The following CATSPERT variants were observed in gnomAD, a reference collection of about 807,000 sequenced individuals.
CATSPERT encodes cation channel sperm-associated targeting subunit tau.
chr2:201,581,586 A>G, the CATSPERT span, among the ~76,000 whole-genome samples: 4 of 86,996 alleles, frequency 4.6e-5, no homozygotes, highest in Non-Finnish European at 6.7e-5. Context: ...ATATATATAT[A>G]TATATATACA....
chr2:201,490,967 C>T, the CATSPERT span, among the ~76,000 whole-genome samples: 1 of 152,122 alleles, frequency 6.6e-6, no homozygotes. Flanking sequence ...TCGTGATCCA[C>T]CTGCCTCAGC....
the CATSPERT span, chr2:201,547,743 G>C: frequency 8.0e-6 from 4 of 498,896 alleles, no homozygotes; most frequent in Admixed American, 1.2e-4. Flanking sequence ...ACAATATATT[G>C]TCTAGGGATA....
At chr2:201,576,272 G>A in the CATSPERT span, among the ~76,000 whole-genome samples, 3 of 152,174 alleles carry the variant, frequency 2.0e-5, no homozygotes, top group Admixed American at 6.5e-5. Context: ...TAAAGACTAT[G>A]TTCAACCAGA....
chr2:201,503,701 C>T, the CATSPERT span, among the ~76,000 whole-genome samples: 1 of 152,158 alleles, frequency 6.6e-6, no homozygotes, highest in Non-Finnish European at 1.5e-5. Flanking sequence ...CCTGGCCGAA[C>T]ACCTGGTAAC....
At chr2:201,573,909 G>A in the CATSPERT span, among the ~76,000 whole-genome samples, 6 of 151,938 alleles carry the variant, frequency 3.9e-5, no homozygotes, top group South Asian at 2.1e-4. Flanking sequence ...CACCCACCTC[G>A]GCCTCCCAAA....
At chr2:201,496,016 A>T in the CATSPERT span, 3 of 1,224,918 alleles carry the variant, frequency 2.4e-6, no homozygotes, top group Admixed American at 4.0e-5. Context: ...TAATATAAGA[A>T]TATCAAGATC....
the CATSPERT span, among the ~76,000 whole-genome samples, chr2:201,577,618 G>C: frequency 6.6e-6 from 1 of 152,178 alleles, no homozygotes; most frequent in Admixed American, 6.5e-5. Context: ...TTTATTCTAA[G>C]TGAAATAAGC....
chr2:201,595,484 G>A, the CATSPERT span, among the ~76,000 whole-genome samples: 43 of 152,228 alleles, frequency 2.8e-4, no homozygotes, highest in Middle Eastern at 3.4e-3. Flanking sequence ...CACCGCGCCC[G>A]GCCTGTTAGT....
chr2:201,601,273 AGTGTGTGTGTGTGTGT>A, the CATSPERT span, among the ~76,000 whole-genome samples: 2 of 41,806 alleles, frequency 4.8e-5, no homozygotes, highest in African/African-American at 1.2e-4. Flanking sequence ...TAAGGATGAT[AGTGTGTGTGTGTGTGT>A]GTGTGTGTGT....
the CATSPERT span, chr2:201,534,756 C>A: frequency 5.2e-6 from 5 of 960,428 alleles, no homozygotes; most frequent in Non-Finnish European, 6.1e-6. Flanking sequence ...ATCACAGATC[C>A]ACAGATCTAA....
the CATSPERT span, chr2:201,604,674 C>T: frequency 6.2e-7 from 1 of 1,604,126 alleles, no homozygotes; most frequent in East Asian, 2.3e-5. Context: ...CACTATCAGA[C>T]TCTTTAAGAG....
chr2:201,583,100 T>C, the CATSPERT span, among the ~76,000 whole-genome samples: 1 of 152,168 alleles, frequency 6.6e-6, no homozygotes. Context: ...TGGTGAGAAG[T>C]AATCATATAA....
the CATSPERT span, among the ~76,000 whole-genome samples, chr2:201,587,929 T>A: frequency 6.6e-6 from 1 of 152,154 alleles, no homozygotes; most frequent in East Asian, 1.9e-4. Flanking sequence ...ACATATACCC[T>A]CCCAAGACTG....
the CATSPERT span, among the ~76,000 whole-genome samples, chr2:201,497,845 G>C: frequency 1.3e-5 from 2 of 152,120 alleles, no homozygotes; most frequent in African/African-American, 4.8e-5. Context: ...TTTCTCCCAA[G>C]GTTCCAGTAC....
the CATSPERT span, among the ~76,000 whole-genome samples, chr2:201,526,148 C>T: frequency 6.6e-6 from 1 of 152,124 alleles, no homozygotes; most frequent in African/African-American, 2.4e-5. Flanking sequence ...CAAAACCTAG[C>T]AGAGACACAA....
chr2:201,531,223 T>A, the CATSPERT span, among the ~76,000 whole-genome samples: 1 of 151,766 alleles, frequency 6.6e-6, no homozygotes, highest in Admixed American at 6.6e-5. Context: ...CCTCCCAGAG[T>A]GCTGGGATTA....
chr2:201,511,407 G>A, the CATSPERT span, among the ~76,000 whole-genome samples: 1 of 152,134 alleles, frequency 6.6e-6, no homozygotes, highest in East Asian at 1.9e-4. Flanking sequence ...TGAGAAAACT[G>A]AAACTCAGAT....
chr2:201,495,892 C>A, the CATSPERT span: 1 of 1,568,446 alleles, frequency 6.4e-7, no homozygotes, highest in South Asian at 1.2e-5. Context: ...ATTCAGGACT[C>A]ACCTGAAATT....
At chr2:201,513,486 G>A in the CATSPERT span, among the ~76,000 whole-genome samples, 2 of 152,210 alleles carry the variant, frequency 1.3e-5, no homozygotes, top group African/African-American at 4.8e-5. Flanking sequence ...TAGTGGGAAT[G>A]TAAATTAGTT....
Sources: gnomAD v4.1 joint callset for allele counts (sites outside exome capture counted in the v4.1 genomes callset) on GRCh38, gnomAD v4.1.1 for gene constraint, MANE v1.5 for transcripts, NCBI Gene and HGNC (gene_info 2026-07-23, HGNC 2026-07-21) for gene names.